CSGALNACT1: variants seen among roughly 807,000 people sequenced by gnomAD.
CSGALNACT1 encodes the protein chondroitin sulfate N-acetylgalactosaminyltransferase 1, also known as beta4GalNAcT-1.
A neutral mutation model predicts 51.0 loss-of-function variants in CSGALNACT1; 52 were observed. The ratio of observed to expected loss-of-function variants is 1.02; its 90% CI spans 0.82 to 1.29. CSGALNACT1 has a LOEUF of 1.29. Among genes scored for constraint, CSGALNACT1 ranks in the 50% most tolerant of loss-of-function variants. CSGALNACT1 has a pLI of 0.00. For synonymous variants in CSGALNACT1, 341 were observed against 254.4 expected (o/e 1.34, Z -3.24); for missense variants, 935 against 679.2 (o/e 1.38, Z -4.19).
At chr8:19,467,177 T>TG (rs1216550495) in intron 4 of CSGALNACT1, among the ~76,000 whole-genome samples, 1 of 133,082 alleles carries the variant, frequency 7.5e-6, no homozygotes, top group Non-Finnish European at 1.5e-5. Flanking sequence ...TGGAGTGCAG[T>TG]GGTGCGATCT....
chr8:19,495,051 C>G (rs1414540768), intron 4 of CSGALNACT1: 1 of 152,194 alleles, frequency 6.6e-6, no homozygotes, highest in Non-Finnish European at 1.5e-5. Context: ...CGAAGAACAA[C>G]AAGCCCAAAT....
At chr8:19,672,602 T>C (rs755242623) in intron 1 of CSGALNACT1, among the ~76,000 whole-genome samples, 2 of 152,224 alleles carry the variant, frequency 1.3e-5, no homozygotes, top group Non-Finnish European at 2.9e-5. Flanking sequence ...CTTGCATTAT[T>C]TTCCTTCTTT....
At chr8:19,439,096 G>A (rs2060874226) in intron 6 of CSGALNACT1, among the ~76,000 whole-genome samples, 1 of 152,186 alleles carries the variant, frequency 6.6e-6, no homozygotes, top group African/African-American at 2.4e-5. Context: ...CAAACTACAG[G>A]CCAGCGTGCA....
chr8:19,484,612 G>A (rs2072391736), intron 4 of CSGALNACT1, among the ~76,000 whole-genome samples: 2 of 152,296 alleles, frequency 1.3e-5, no homozygotes, highest in South Asian at 2.1e-4. Flanking sequence ...TTGCAGGACA[G>A]TGTAATCACG....
Position 19,420,423 on chromosome 8 carries a change from C to CT in CSGALNACT1, c.1048dup (p.Ser350LysfsTer9). 6.2e-7 allele frequency: 1 copy of CT among 1,614,210 alleles called. No individual in the cohort carries two copies. ...ATCACAGAAAAAGAGAAGGACGTTG[C>CT]TTCCCTTCCAGAAGCGGGCTCCAAC... On this transcript the variant is annotated frameshift_variant, in exon 7 of 10. Coordinates refer to ENST00000454498, the Ensembl canonical transcript of CSGALNACT1. LOFTEE classifies it high-confidence loss of function.
intron 6 of CSGALNACT1, among the ~76,000 whole-genome samples, chr8:19,439,309 A>G (rs1395680827): frequency 1.3e-5 from 2 of 152,234 alleles, no homozygotes; most frequent in East Asian, 1.9e-4. Context: ...TTGATCAAGG[A>G]TCCTGCCTTG....
intron 4 of CSGALNACT1, among the ~76,000 whole-genome samples, chr8:19,473,920 C>T (rs1464027842): frequency 1.3e-5 from 2 of 152,152 alleles, no homozygotes; most frequent in Non-Finnish European, 2.9e-5. Flanking sequence ...AATGAATTGA[C>T]CTGTATTCAT....
intron 3 of CSGALNACT1, among the ~76,000 whole-genome samples, chr8:19,543,809 G>A (rs2085822462): frequency 6.6e-6 from 1 of 152,184 alleles, no homozygotes; most frequent in African/African-American, 2.4e-5. Context: ...ACTAAATGCT[G>A]ATCCTGAGTC....
chr8:19,407,725 A>G (rs1395150300), intron 9 of CSGALNACT1, among the ~76,000 whole-genome samples: 1 of 151,990 alleles, frequency 6.6e-6, no homozygotes, highest in Non-Finnish European at 1.5e-5. Context: ...GCGCATGTGC[A>G]TATTTGTGTA....
chr8:19,671,278 C>T (rs1212342687), intron 1 of CSGALNACT1, among the ~76,000 whole-genome samples: 1 of 152,226 alleles, frequency 6.6e-6, no homozygotes, highest in Non-Finnish European at 1.5e-5. Context: ...TCTCTGCCTG[C>T]AACTGGAAGG....
In CSGALNACT1 at chr8:19,428,653, C is replaced by A. The variant is rs575253277; in HGVS notation, c.954-8135G>T. On this transcript the variant is annotated intron_variant, in intron 6 of 9. Coordinates refer to ENST00000454498, the Ensembl canonical transcript of CSGALNACT1. Reference sequence around the variant, plus strand: ...CATAAGGACTGGCGAATAGTGGATACTGTGCTTTTACATCATTAAGTACGA... The same window carrying A: ...CATAAGGACTGGCGAATAGTGGATAATGTGCTTTTACATCATTAAGTACGA... Among the ~76,000 whole-genome samples the A allele has an allele frequency of 2.6e-5, 4 of 152,254 alleles. No individual in the cohort carries two copies. The South Asian group carries it at 8.3e-4, about 32-fold the overall frequency.
intron 1 of CSGALNACT1, among the ~76,000 whole-genome samples, chr8:19,693,471 T>C (rs1405423577): frequency 6.6e-6 from 1 of 152,162 alleles, no homozygotes; most frequent in Non-Finnish European, 1.5e-5. Context: ...CTAAAGATCT[T>C]TGTAACTAAG....
At chr8:19,409,205 A>G (rs1343317550) in intron 8 of CSGALNACT1, among the ~76,000 whole-genome samples, 1 of 152,168 alleles carries the variant, frequency 6.6e-6, no homozygotes, top group Non-Finnish European at 1.5e-5. Context: ...TTGGGGAATA[A>G]AAAGAAATAT....
In CSGALNACT1 at chr8:19,513,157, C is replaced by T. The variant is rs528723158; in HGVS notation, c.-296-7027G>A. On this transcript the variant is annotated intron_variant, in intron 3 of 9. Coordinates refer to ENST00000454498, the Ensembl canonical transcript of CSGALNACT1. ...AGTTCTTGCATCTCTACCTCCACCA[C>T]CACCCTACTCAAGGCTCCATCATCT... Among the ~76,000 whole-genome samples the T allele has an allele frequency of 1.6e-3, 245 of 152,156 alleles. 1 individual carries two copies. The highest frequency in any genetic ancestry group is 3.0e-3 in the Non-Finnish European group (201 of 68,016).
chr8:19,576,635 G>T (rs905103322), intron 3 of CSGALNACT1, among the ~76,000 whole-genome samples: 22 of 151,762 alleles, frequency 1.4e-4, no homozygotes, highest in African/African-American at 5.3e-4. Context: ...GGGCACTAAT[G>T]ATCTCTCATT....
intron 1 of CSGALNACT1, among the ~76,000 whole-genome samples, chr8:19,621,207 T>C (rs975965874): frequency 6.6e-6 from 1 of 152,310 alleles, no homozygotes; most frequent in Admixed American, 6.5e-5. Flanking sequence ...ATAAAACTTT[T>C]GCCTGCATTT....
intron 3 of CSGALNACT1, among the ~76,000 whole-genome samples, chr8:19,541,116 G>A (rs2085009532): frequency 6.6e-6 from 1 of 151,334 alleles, no homozygotes; most frequent in South Asian, 2.1e-4. Context: ...GTCTTGCTGT[G>A]TCCCCCAGGC....
intron 1 of CSGALNACT1, among the ~76,000 whole-genome samples, chr8:19,658,169 G>T (rs1370862034): frequency 6.6e-6 from 1 of 150,982 alleles, no homozygotes; most frequent in East Asian, 1.9e-4. Context: ...GAGGTCATGA[G>T]GGTGTGCCCT....
intron 1 of CSGALNACT1, among the ~76,000 whole-genome samples, chr8:19,739,260 C>T (rs1444995644): frequency 6.6e-6 from 1 of 151,746 alleles, no homozygotes; most frequent in African/African-American, 2.4e-5. Context: ...AATTGTGATT[C>T]AGAAAATAGA....
Sources: gnomAD v4.1 joint callset for allele counts (sites outside exome capture counted in the v4.1 genomes callset) on GRCh38, gnomAD v4.1.1 for gene constraint, MANE v1.5 for transcripts, NCBI Gene and HGNC (gene_info 2026-07-23, HGNC 2026-07-21) for gene names.